The following ENPP3 variants were observed in gnomAD, a reference collection of about 807,000 sequenced individuals.
ENPP3 encodes the protein ectonucleotide pyrophosphatase/phosphodiesterase 3.
ENPP3 carries 104 observed loss-of-function variants against 117.8 expected under a neutral mutation model. The ratio of observed to expected loss-of-function variants is 0.88; its 90% confidence interval spans 0.75 to 1.04. The LOEUF (loss-of-function observed/expected upper bound fraction) is 1.04. Among genes scored for constraint, ENPP3 ranks in the 50% least tolerant of loss-of-function variants. ENPP3 has a pLI of 0.00. For missense variants in ENPP3, 1,026 were observed against 1,051.9 expected, an observed-to-expected ratio of 0.98 and a Z score of 0.34; for synonymous variants, 380 against 349.9, an observed-to-expected ratio of 1.09 and a Z score of -0.96.
chr6:131,646,199 T>C (rs1778148678), intron 2 of ENPP3, among the ~76,000 whole-genome samples: 1 of 152,088 alleles, frequency 6.6e-6, no homozygotes, highest in South Asian at 2.1e-4. Flanking sequence ...ATGTGGGGTC[T>C]TTTAAAAAAA....
At chr6:131,687,253 A>G (rs1483052235) in intron 14 of ENPP3, among the ~76,000 whole-genome samples, 1 of 152,096 alleles carries the variant, frequency 6.6e-6, no homozygotes, top group Non-Finnish European at 1.5e-5. Flanking sequence ...TGATTTGCTG[A>G]CAAAAACAAG....
chr6:131,718,267 C>G (rs552227025), intron 15 of ENPP3, among the ~76,000 whole-genome samples: 2 of 152,166 alleles, frequency 1.3e-5, no homozygotes, highest in South Asian at 4.2e-4. Context: ...ACATATTAAC[C>G]AAACTATTCT....
At chr6:131,719,382 A>AACACACACACACACAC (rs3032879) in intron 16 of ENPP3, among the ~76,000 whole-genome samples, 45 of 133,192 alleles carry the variant, frequency 3.4e-4, no homozygotes, top group African/African-American at 8.9e-4. Context: ...TTCCATTTGT[A>AACACACACACACACAC]ACACACACAC....
chr6:131,692,770 T>TATA (rs1229270513), intron 14 of ENPP3, among the ~76,000 whole-genome samples: 42 of 145,800 alleles, frequency 2.9e-4, no homozygotes, highest in African/African-American at 1.0e-3. Flanking sequence ...TTATATATGA[T>TATA]ATATGGTTAT....
rs181656994 is a variant in ENPP3 at position 131,720,431 on chromosome 6, A to G, written c.1567+52A>G. 5.4e-6 allele frequency: 5 copies of G among 920,514 alleles called. No individual in the cohort carries two copies. In the African/African-American group the frequency reaches 8.5e-5, roughly 16 times the overall value. 57.0% of individuals were successfully genotyped at this position (920,514 alleles called of 1,614,324 possible). On this transcript the variant is annotated intron_variant, in intron 17 of 24. Transcript: ENST00000357639. ...ACAAAATATGGATAGTTTTAAATAT[A>G]TGTGATTTGAAATTGGTAGCAAACT...
In ENPP3 at chr6:131,652,861, A is replaced by T; in HGVS notation, c.434A>T (p.Asp145Val). Residue 145 changes from aspartate (D) to valine (V), a missense_variant, in exon 5 of 25, where the codon GAC (aspartate) becomes GTC (valine). Asp to Val is a radical substitution (Grantham distance 152). Transcript: ENST00000357639. ...GETSWLEENC[D>V]TAQQSQCPEG... ...ACCTCATGGCTGGAAGAAAACTGTG[A>T]CACAGCCCAGCAGTCTCAGTGCCCA... 6.2e-7 allele frequency: 1 copy of T among 1,613,626 alleles called. No homozygotes were observed. Among genetic ancestry groups the T allele is most frequent in the Non-Finnish European group, 8.5e-7 (1 of 1,179,578 alleles).
chr6:131,647,870 C>T (rs74764611), intron 2 of ENPP3, among the ~76,000 whole-genome samples: 2,703 of 152,140 alleles, frequency 0.018, 85 homozygotes, highest in African/African-American at 0.061. Flanking sequence ...CGTATAATAG[C>T]TATCATGTTT....
At chr6:131,675,985 C>G (rs139664856) in intron 9 of ENPP3, among the ~76,000 whole-genome samples, 132 of 152,284 alleles carry the variant, frequency 8.7e-4, no homozygotes, top group African/African-American at 3.1e-3. Flanking sequence ...TGTCCCCTTA[C>G]CTCTCAGACC....
chr6:131,675,246 C>T, intron 9 of ENPP3, 57 bp downstream of exon 9: 2 of 1,137,608 alleles, frequency 1.8e-6, no homozygotes, highest in Non-Finnish European at 2.7e-6. Flanking sequence ...AAGATGTTTT[C>T]TGTCTTAATC....
intron 5 of ENPP3, among the ~76,000 whole-genome samples, chr6:131,654,214 G>A (rs911938794): frequency 1.3e-5 from 2 of 151,796 alleles, no homozygotes; most frequent in African/African-American, 4.8e-5. Flanking sequence ...GCTCACTGCA[G>A]CCTCAAATTC....
rs184787903 is a variant in ENPP3 at position 131,664,619 on chromosome 6, C to A, written c.562+6199C>A. The stretch of plus-strand genomic sequence containing the variant: ...CACTCACTCACTGACTTACTCAGAG[C>A]AACTTCCAGGCTTGCAATCATGATA... On this transcript the variant is annotated intron_variant, in intron 6 of 24. Transcript: ENST00000357639. Among the ~76,000 whole-genome samples, 4 of 152,298 alleles carry A rather than the reference C, an allele frequency of 2.6e-5. No individual in the cohort carries two copies. The East Asian group carries it at 5.8e-4, about 22-fold the overall frequency.
In ENPP3 at chr6:131,642,547, T is replaced by A. The variant is rs190427546; in HGVS notation, c.154+1017T>A. ...TACTAAGGTGAAGTATGAAGCCAGT[T>A]GCTAGATCATTCATGTCCCCCCGCT... On this transcript the variant is annotated intron_variant, in intron 2 of 24. Transcript: ENST00000357639. Among the ~76,000 whole-genome samples, 6 of 152,256 alleles carry A rather than the reference T, an allele frequency of 3.9e-5. No individual in the cohort carries two copies. The East Asian group carries it at 1.2e-3, about 29-fold the overall frequency.
rs1017109869 is a variant in ENPP3, at chr6:131,693,550, G to A, written c.1338G>A (p.Lys446=). Reference sequence around the variant, plus strand: ...CCTATTTGACTCCTGATTTGCCAAAGCGACTGCACTATGCCAAGAACGTCA... The same window carrying A: ...CCTATTTGACTCCTGATTTGCCAAAACGACTGCACTATGCCAAGAACGTCA... ...FKPYLTPDLP[K]RLHYAKNVRI... is the part of the protein sequence containing the mutation. The change falls in exon 15 of 25, where the codon AAG becomes AAA. Residue 446 remains lysine (K), a synonymous_variant. Transcript: ENST00000357639. 2 of 1,613,732 alleles carry A rather than the reference G, an allele frequency of 1.2e-6. No individual in the cohort carries two copies. The highest frequency in any genetic ancestry group is 1.7e-5 in the Admixed American group (1 of 59,944).
chr6:131,733,492 T>G, intron 20 of ENPP3, 96 bp from the exon 21 acceptor site: 1 of 1,359,428 alleles, frequency 7.4e-7, no homozygotes, highest in Non-Finnish European at 1.0e-6. Context: ...TAGGAAAAGC[T>G]TAAATGAAAA....
intron 6 of ENPP3, among the ~76,000 whole-genome samples, chr6:131,659,057 G>A (rs1471051418): frequency 2.0e-5 from 3 of 152,180 alleles, no homozygotes; most frequent in Non-Finnish European, 4.4e-5. Context: ...GTGGTTTTAA[G>A]TTATTGTTAT....
At position 131,709,768 on chromosome 6, in the gene ENPP3, G is replaced by C. The variant is rs1283887462; in HGVS notation, c.1413-8904G>C. 1.9e-6 allele frequency: 3 copies of C among 1,613,704 alleles called. No individual in the cohort carries two copies. The African/African-American group carries it at 4.0e-5, about 22-fold the overall frequency. On this transcript the variant is annotated intron_variant, in intron 15 of 24. Coordinates refer to ENST00000357639, the MANE Select transcript of ENPP3 (RefSeq NM_005021.5). ...ATGGCTGATCTTTTCTTCCACTCTA[G>C]AAAGCTTCTCTTCTTCCTCTATTCG... is the stretch of plus-strand genomic sequence containing the variant.
In ENPP3 at chr6:131,722,078, A is replaced by T. The variant is rs1434737966; in HGVS notation, c.1568-149A>T. The T allele has an allele frequency of 2.5e-5, 15 of 590,220 alleles. No individual in the cohort carries two copies. The Admixed American group carries it at 4.2e-4, about 16-fold the overall frequency. 36.6% of individuals were successfully genotyped at this position (590,220 alleles called of 1,614,324 possible). On this transcript the variant is annotated intron_variant, in intron 17 of 24. Transcript: ENST00000357639. ...AAACCATGGAGAAGAAAGTCAGTAA[A>T]CTGAATGGCATATAGAGTACATAGC...
At chr6:131,694,527 T>C (rs1286619866) in intron 15 of ENPP3, among the ~76,000 whole-genome samples, 1 of 152,158 alleles carries the variant, frequency 6.6e-6, no homozygotes, top group African/African-American at 2.4e-5. Context: ...GCCAGGGGGA[T>C]AGAATGACAA....
intron 23 of ENPP3, 97 bp downstream of exon 23, chr6:131,738,260 A>C: frequency 1.1e-6 from 1 of 918,892 alleles, no homozygotes. Flanking sequence ...TACATAATAC[A>C]TTCACAGACA....
Sources: allele counts gnomAD v4.1 joint callset (sites outside exome capture counted in the v4.1 genomes callset), GRCh38; gene constraint gnomAD v4.1.1; transcripts MANE v1.5; gene names NCBI Gene and HGNC (gene_info 2026-07-23, HGNC 2026-07-21).